The following MAPT variants were observed in gnomAD, a reference collection of about 807,000 sequenced individuals.
MAPT encodes the protein microtubule-associated protein tau.
In MAPT, 34 loss-of-function variants were observed where a neutral mutation model predicts 67.9. The ratio of observed to expected loss-of-function variants is 0.50; its 90% CI spans 0.38 to 0.67. The LOEUF is 0.67. Among genes scored for constraint, MAPT ranks in the 30% least tolerant of loss-of-function variants. The pLI, the probability that MAPT is intolerant of heterozygous loss-of-function variation, is 0.00. For synonymous variants in MAPT, 456 were observed against 464.5 expected, an observed-to-expected ratio of 0.98 and a Z score of 0.23; for missense variants, 881 against 1,115.2, an observed-to-expected ratio of 0.79 and a Z score of 2.99.
chr17:45,992,193 T>G lies in MAPT; in HGVS notation c.1732+607T>G, dbSNP rs141204376. On this transcript the variant is annotated intron_variant, in intron 8 of 12. Transcript: ENST00000262410. ...GAAAGAAATCGAGCCTCTGAGAGTTTGCTTGACTGAGTCTAACCAGCTCAT... is the reference window on the plus strand; with the variant it reads ...GAAAGAAATCGAGCCTCTGAGAGTTGGCTTGACTGAGTCTAACCAGCTCAT... Among the ~76,000 whole-genome samples the G allele has an allele frequency of 2.0e-5, 3 of 152,298 alleles. No individual in the cohort carries two copies. In the East Asian group the frequency reaches 5.8e-4, roughly 29 times the overall value.
chr17:45,969,033 G>A (rs575265541), intron 2 of MAPT: 11 of 152,352 alleles, frequency 7.2e-5, no homozygotes, highest in African/African-American at 2.6e-4. Flanking sequence ...GGCCCCATCT[G>A]CCTGACTCTC....
At position 45,978,594 on chromosome 17, in the gene MAPT, A is replaced by G. The variant is rs1308922359; in HGVS notation, c.286+154A>G. On this transcript the variant is annotated intron_variant, in intron 4 of 12. Coordinates refer to ENST00000262410, the MANE Select transcript of MAPT (RefSeq NM_001377265.1). ...TTCTTATCAAAGGTTGGCTACTCAG[A>G]TATAGAAAGAGCCCTAGTGGTTTTT... is the stretch of plus-strand genomic sequence containing the variant. 4.8e-6 allele frequency: 3 copies of G among 621,906 alleles called. No individual in the cohort carries two copies. In the African/African-American group the frequency reaches 5.5e-5, roughly 11 times the overall value. 38.5% of individuals were successfully genotyped at this position (621,906 alleles called of 1,614,324 possible). A position where few individuals can be genotyped will look rare whatever the true frequency, so the allele number is the denominator to read the frequency against.
At chr17:45,939,740 C>CACA (rs1228451205) in intron 1 of MAPT, among the ~76,000 whole-genome samples, 41 of 152,278 alleles carry the variant, frequency 2.7e-4, no homozygotes, top group African/African-American at 9.6e-4. Context: ...GCCTGAGCGT[C>CACA]GAGGACCAAG....
chr17:45,991,661 T>A, intron 8 of MAPT, 75 bp downstream of exon 8: 2 of 1,606,086 alleles, frequency 1.2e-6, no homozygotes, highest in Non-Finnish European at 1.7e-6. Flanking sequence ...TAGGAGGCCT[T>A]AGGCCACTGA....
intron 6 of MAPT, among the ~76,000 whole-genome samples, chr17:45,989,432 C>T (rs1446864844): frequency 2.0e-5 from 3 of 152,054 alleles, no homozygotes; most frequent in Non-Finnish European, 4.4e-5. Flanking sequence ...GGGTGGATCA[C>T]GAGGTCAGGA....
intron 9 of MAPT, among the ~76,000 whole-genome samples, chr17:46,007,674 T>G (rs1394489214): frequency 1.3e-5 from 2 of 152,162 alleles, no homozygotes; most frequent in Non-Finnish European, 1.5e-5. Context: ...AAAACAATGT[T>G]GTAAACACCC....
intron 12 of MAPT, among the ~76,000 whole-genome samples, chr17:46,020,912 A>G (rs2076489315): frequency 6.6e-6 from 1 of 152,146 alleles, no homozygotes; most frequent in South Asian, 2.1e-4. Flanking sequence ...CCAAGTCAGC[A>G]TGAGAAAGTA....
chr17:46,003,298 A>G (rs900444955), intron 9 of MAPT, among the ~76,000 whole-genome samples: 1 of 151,984 alleles, frequency 6.6e-6, no homozygotes, highest in African/African-American at 2.4e-5. Flanking sequence ...ATTTATTTTG[A>G]GACAGAGTCT....
intron 9 of MAPT, among the ~76,000 whole-genome samples, chr17:45,997,409 G>A (rs768240203): frequency 3.3e-5 from 5 of 152,192 alleles, no homozygotes; most frequent in Non-Finnish European, 5.9e-5. Context: ...CTGCACCGCT[G>A]CAGTCTTCCC....
rs1339275044 is a variant in MAPT at position 45,995,168 on chromosome 17, C to CCAG, written c.1733-1227_1733-1225dup. Among the ~76,000 whole-genome samples the CCAG allele has an allele frequency of 1.3e-5, 2 of 152,228 alleles. No homozygotes were observed. Among genetic ancestry groups the CCAG allele is most frequent in the African/African-American group, 4.8e-5 (2 of 41,452 alleles). On this transcript the variant is annotated intron_variant, in intron 8 of 12. Transcript: ENST00000262410. The surrounding 1 kb of genome is among the most constrained non-coding windows in gnomAD (Gnocchi z 4.3). ...AAGAGCTGCCCTTCTCCAGGTCTGG[C>CCAG]CAGCAGGTATGTGTTACAGCAAATG...
In MAPT at chr17:45,983,135, C is replaced by A; in HGVS notation, c.556C>A (p.Pro186Thr). ...QKGGDWAEKG[P>T]AFPKPATTAY... ...AGGCGGGGACTGGGCCGAGAAGGGT[C>A]CGGCCTTTCCGAAGCCCGCCACCAC... Residue 186 changes from proline (P) to threonine (T), a missense_variant, in exon 5 of 13, where the codon CCG becomes ACG. Around this residue, in one of 6 missense-constraint regions of MAPT, gnomAD observed 687 missense variants for 766.1 expected, o/e 0.90. Transcript: ENST00000262410. 1 of 1,585,448 alleles carries A rather than the reference C, an allele frequency of 6.3e-7. No homozygotes were observed. Among genetic ancestry groups the A allele is most frequent in the South Asian group, 1.1e-5 (1 of 87,366 alleles).
rs779241219 is a variant in MAPT, at chr17:45,991,598, G to A, written c.1732+12G>A. 7.4e-6 allele frequency: 12 copies of A among 1,613,866 alleles called. No homozygotes were observed. The East Asian group carries it at 8.9e-5, about 12-fold the overall frequency. On this transcript the variant is annotated intron_variant, in intron 8 of 12. Transcript: ENST00000262410. ...ACCACCCAGCTCTGGTAAGAAGAAC[G>A]TTCTCTTGAATCTTAGAGGAAGCTG...
intron 3 of MAPT, chr17:45,974,121 C>G (rs1370500953): frequency 3.7e-6 from 2 of 544,802 alleles, no homozygotes; most frequent in Non-Finnish European, 6.6e-6. Context: ...GTCTGTTTCA[C>G]TGCAGCGTTT....
At chr17:45,900,352 G>T (rs1443808032) in intron 1 of MAPT, among the ~76,000 whole-genome samples, 1 of 152,194 alleles carries the variant, frequency 6.6e-6, no homozygotes, top group Non-Finnish European at 1.5e-5. Context: ...TGCCCAGATG[G>T]CTCCCAACTG....
chr17:45,951,455 C>T (rs1265666931), intron 1 of MAPT, among the ~76,000 whole-genome samples: 4 of 152,140 alleles, frequency 2.6e-5, no homozygotes, highest in African/African-American at 7.2e-5. Flanking sequence ...TGGCTCATCC[C>T]TCCCCTGCCT....
intron 1 of MAPT, among the ~76,000 whole-genome samples, chr17:45,941,839 C>T (rs953987437): frequency 6.6e-6 from 1 of 151,544 alleles, no homozygotes; most frequent in Non-Finnish European, 1.5e-5. Flanking sequence ...GGACATTTGG[C>T]ATTGAGAGAG....
intron 1 of MAPT, among the ~76,000 whole-genome samples, chr17:45,910,455 G>C (rs918060451): frequency 3.3e-5 from 5 of 152,004 alleles, no homozygotes; most frequent in Admixed American, 3.3e-4. Context: ...TCTGCTCCCT[G>C]GGGCATGGTC....
At chr17:45,989,507 C>T (rs556502102) in intron 6 of MAPT, among the ~76,000 whole-genome samples, 10 of 152,176 alleles carry the variant, frequency 6.6e-5, no homozygotes, top group Admixed American at 2.0e-4. Flanking sequence ...AAAAACGAGC[C>T]GGGCGTGGTG....
chr17:45,963,370 C>T (rs996091694), intron 2 of MAPT, among the ~76,000 whole-genome samples: 3 of 152,206 alleles, frequency 2.0e-5, no homozygotes, highest in Non-Finnish European at 4.4e-5. Context: ...CATGCTGGCC[C>T]TTCACCCACT....
Sources: gnomAD v4.1 joint callset for allele counts (sites outside exome capture counted in the v4.1 genomes callset) on GRCh38, gnomAD v4.1.1 for gene constraint, gnomAD v4.1.1 regional missense constraint, Gnocchi (gnomAD v3.1) non-coding constraint, MANE v1.5 for transcripts, NCBI Gene and HGNC (gene_info 2026-07-23, HGNC 2026-07-21) for gene names.